Variants in NAA11 observed in about 807,000 individuals in gnomAD.
NAA11 encodes N-alpha-acetyltransferase 11, NatA catalytic subunit.
In NAA11, 15 loss-of-function variants were observed where a neutral mutation model predicts 16.1. That is an observed-to-expected ratio of 0.93 (90% confidence interval 0.62 to 1.44). The LOEUF is 1.44. Ranked by LOEUF, NAA11 falls within the 40% of genes most tolerant of loss-of-function variation. The pLI, the probability that NAA11 is intolerant of heterozygous loss-of-function variation, is 0.00. For synonymous variants in NAA11, 122 were observed against 112.4 expected (o/e 1.09, Z -0.54); for missense variants, 298 against 291.3 (o/e 1.02, Z -0.17).
At chr4:79,303,105 T>C (rs1482411544) in intron 1 of NAA11, among the ~76,000 whole-genome samples, 2 of 130,000 alleles carry the variant, frequency 1.5e-5, no homozygotes, top group Non-Finnish European at 3.3e-5. Flanking sequence ...TATATATATA[T>C]ATATATATAT....
chr4:79,276,666 G>A (rs1722652615), intron 2 of NAA11, among the ~76,000 whole-genome samples: 2 of 152,160 alleles, frequency 1.3e-5, no homozygotes, highest in Non-Finnish European at 2.9e-5. Context: ...AATAACTGGA[G>A]TGGCACTTGT....
chr4:79,292,273 C>A (rs1174012015), intron 2 of NAA11, among the ~76,000 whole-genome samples: 5 of 152,122 alleles, frequency 3.3e-5, no homozygotes. Flanking sequence ...TTAATATAGA[C>A]TAGTATGAAT....
chr4:79,323,871 C>T (rs1224100153), intron 1 of NAA11, among the ~76,000 whole-genome samples: 2 of 151,768 alleles, frequency 1.3e-5, no homozygotes, highest in Non-Finnish European at 2.9e-5. Flanking sequence ...GGCGAGGTGG[C>T]GGGCGCCTGT....
chr4:79,220,546 A>G, the NAA11 span, among the ~76,000 whole-genome samples: 1 of 152,058 alleles, frequency 6.6e-6, no homozygotes, highest in African/African-American at 2.4e-5. Flanking sequence ...TAAATAATAT[A>G]TGTGATTATA....
the NAA11 span, among the ~76,000 whole-genome samples, chr4:79,167,132 T>TTTTATATATATA: frequency 5.8e-5 from 1 of 17,284 alleles, no homozygotes; most frequent in African/African-American, 1.6e-4. Context: ...ACAGCTTATT[T>TTTTATATATATA]TATATATATA....
At chr4:79,323,960 G>A (rs1294245590) in intron 1 of NAA11, among the ~76,000 whole-genome samples, 4 of 150,730 alleles carry the variant, frequency 2.7e-5, no homozygotes, top group Non-Finnish European at 5.9e-5. Context: ...CCGAGATCGC[G>A]CCACTGCACT....
At chr4:79,216,348 T>C in the NAA11 span, among the ~76,000 whole-genome samples, 3 of 152,234 alleles carry the variant, frequency 2.0e-5, no homozygotes, top group Admixed American at 1.3e-4. Flanking sequence ...ATATCTCCTT[T>C]ACTCATTTAA....
chr4:79,180,224 A>G, the NAA11 span, among the ~76,000 whole-genome samples: 2 of 152,150 alleles, frequency 1.3e-5, no homozygotes, highest in East Asian at 1.9e-4. Context: ...CAAATGGAGG[A>G]AAAAAATCAT....
chr4:79,315,382 T>C (rs1723897220), downstream of NAA11, among the ~76,000 whole-genome samples: 1 of 152,288 alleles, frequency 6.6e-6, no homozygotes, highest in Non-Finnish European at 1.5e-5. Flanking sequence ...TTATTTCAGA[T>C]GGTCATCTCT....
At chr4:79,175,283 A>G in the NAA11 span, among the ~76,000 whole-genome samples, 1 of 152,160 alleles carries the variant, frequency 6.6e-6, no homozygotes, top group South Asian at 2.1e-4. Flanking sequence ...CTAGCAGTGA[A>G]TAAAAACTGA....
chr4:79,324,792 G>C (rs910450276), intron 1 of NAA11, among the ~76,000 whole-genome samples: 2 of 152,022 alleles, frequency 1.3e-5, no homozygotes, highest in Non-Finnish European at 2.9e-5. Flanking sequence ...TCTTGGCTGG[G>C]TCCATTATTT....
At chr4:79,196,954 A>C in the NAA11 span, among the ~76,000 whole-genome samples, 1 of 92,438 alleles carries the variant, frequency 1.1e-5, no homozygotes, top group Admixed American at 1.1e-4. Flanking sequence ...GATGAAAAAG[A>C]CAAAAAAAAA....
chr4:79,284,500 TA>T (rs1275135892), intron 2 of NAA11, among the ~76,000 whole-genome samples: 2 of 152,232 alleles, frequency 1.3e-5, no homozygotes, highest in Non-Finnish European at 2.9e-5. Context: ...AATCTACCAT[TA>T]GTCATCATAG....
chr4:79,160,443 G>C, the NAA11 span, among the ~76,000 whole-genome samples: 1 of 152,180 alleles, frequency 6.6e-6, no homozygotes, highest in Non-Finnish European at 1.5e-5. Context: ...CTGTCAGACT[G>C]TTTTCCACAG....
chr4:79,186,265 T>G, the NAA11 span, among the ~76,000 whole-genome samples: 6 of 152,338 alleles, frequency 3.9e-5, no homozygotes, highest in Admixed American at 2.0e-4. Flanking sequence ...GCTATAATGG[T>G]AATGATATTA....
At chr4:79,272,053 A>G (rs1470676112) in intron 2 of NAA11, among the ~76,000 whole-genome samples, 1 of 151,958 alleles carries the variant, frequency 6.6e-6, no homozygotes, top group Non-Finnish European at 1.5e-5. Flanking sequence ...CACACATAGA[A>G]GATACACACA....
intron 1 of NAA11, among the ~76,000 whole-genome samples, chr4:79,300,128 T>A (rs562178478): frequency 6.6e-6 from 1 of 152,190 alleles, no homozygotes; most frequent in African/African-American, 2.4e-5. Context: ...TAGAACTATC[T>A]TGAGAATTTG....
At chr4:79,200,157 G>C in the NAA11 span, among the ~76,000 whole-genome samples, 130 of 151,968 alleles carry the variant, frequency 8.6e-4, no homozygotes, top group African/African-American at 3.0e-3. Context: ...TTTACTAGTT[G>C]TGTGACCTGG....
intron 1 of NAA11, among the ~76,000 whole-genome samples, chr4:79,301,782 C>T (rs994189999): frequency 2.6e-5 from 4 of 152,156 alleles, no homozygotes; most frequent in African/African-American, 7.2e-5. Flanking sequence ...ACAAAAAATA[C>T]TTGAATTTAA....
Sources: allele counts gnomAD v4.1 joint callset (sites outside exome capture counted in the v4.1 genomes callset), GRCh38; gene constraint gnomAD v4.1.1; transcripts MANE v1.5; gene names NCBI Gene and HGNC (gene_info 2026-07-23, HGNC 2026-07-21).